The following LRP1B variants were observed in gnomAD, a reference collection of about 807,000 sequenced individuals.
The protein encoded by LRP1B is low-density lipoprotein receptor-related protein 1B.
LRP1B carries 217 observed loss-of-function variants against 556.6 expected under a neutral mutation model. The observed-to-expected ratio is 0.39, with a 90% CI of 0.35 to 0.44. LRP1B has a LOEUF of 0.44. Among genes scored for constraint, LRP1B ranks in the 20% least tolerant of loss-of-function variants. The pLI, the probability that LRP1B is intolerant of heterozygous loss-of-function variation, is 1.00. For synonymous variants in LRP1B, 2,047 were observed against 1,865.8 expected, an observed-to-expected ratio of 1.10 and a Z score of -2.50; for missense variants, 5,053 against 5,620.8, an observed-to-expected ratio of 0.90 and a Z score of 3.23.
intron 17 of LRP1B, among the ~76,000 whole-genome samples, chr2:140,984,978 A>G (rs567235684): frequency 6.6e-6 from 1 of 152,204 alleles, no homozygotes; most frequent in Non-Finnish European, 1.5e-5. Context: ...TCACTTTTTC[A>G]TCTCTTGTCT....
intron 66 of LRP1B, among the ~76,000 whole-genome samples, chr2:140,428,147 A>G (rs1427184876): frequency 6.6e-6 from 1 of 152,000 alleles, no homozygotes; most frequent in Non-Finnish European, 1.5e-5. Flanking sequence ...CTCAATATAC[A>G]TTTTATTACC....
rs112057255 is a variant in LRP1B at position 140,422,395 on chromosome 2, C to T, written c.10414+20109G>A. On this transcript the variant is annotated intron_variant, in intron 66 of 90. Coordinates refer to ENST00000389484, the MANE Select transcript of LRP1B (RefSeq NM_018557.3). Reference sequence around the variant, plus strand: ...ATGTTATAGTACAAAAGCAGGCACACAGCAGTGGAGAACAGTGAGATATTT... The same window carrying T: ...ATGTTATAGTACAAAAGCAGGCACATAGCAGTGGAGAACAGTGAGATATTT... 5.6e-3 allele frequency among the ~76,000 whole-genome samples: 848 copies of T among 152,232 alleles called. 5 individuals are homozygous for T. The highest frequency in any genetic ancestry group is 0.018 in the African/African-American group (745 of 41,536).
At chr2:140,444,476 G>A (rs548003300) in intron 64 of LRP1B, 27 bp from the exon 65 acceptor site, 23 of 1,613,400 alleles carry the variant, frequency 1.4e-5, no homozygotes, top group South Asian at 4.4e-5. Context: ...GAGAGAGAGA[G>A]AAAATTTGTG....
chr2:141,989,811 G>A (rs1266159781), intron 1 of LRP1B, among the ~76,000 whole-genome samples: 4 of 152,062 alleles, frequency 2.6e-5, no homozygotes, highest in East Asian at 1.9e-4. Flanking sequence ...ATGGGGAAGT[G>A]TAAGTCAATT....
At chr2:140,509,867 C>A (rs1456751886) in intron 52 of LRP1B, 61 bp downstream of exon 52, 1 of 1,571,072 alleles carries the variant, frequency 6.4e-7, no homozygotes, top group Non-Finnish European at 8.6e-7. Flanking sequence ...ACTACAAAAA[C>A]AAATAACCAA....
At chr2:141,084,021 T>C (rs1290331844) in intron 7 of LRP1B, among the ~76,000 whole-genome samples, 1 of 152,236 alleles carries the variant, frequency 6.6e-6, no homozygotes, top group Admixed American at 6.5e-5. Context: ...GTGGTTCTAT[T>C]ACCTTATCTG....
intron 2 of LRP1B, among the ~76,000 whole-genome samples, chr2:141,502,955 T>G (rs1364129198): frequency 1.3e-5 from 2 of 150,838 alleles, no homozygotes; most frequent in Non-Finnish European, 3.0e-5. Context: ...TCAAGTTAAG[T>G]TTTAAATCAA....
intron 2 of LRP1B, among the ~76,000 whole-genome samples, chr2:141,501,731 G>A (rs902124145): frequency 4.6e-5 from 7 of 152,122 alleles, no homozygotes; most frequent in Non-Finnish European, 8.8e-5. Flanking sequence ...AGATCTAAAA[G>A]AAACATGCAT....
At chr2:140,321,835 T>C in intron 82 of LRP1B, 128 bp downstream of exon 82, 1 of 866,406 alleles carries the variant, frequency 1.2e-6, no homozygotes, top group Non-Finnish European at 1.8e-6. Flanking sequence ...TACACAGGCA[T>C]TCAAGAACCA....
At chr2:141,717,481 G>A (rs1403311061) in intron 2 of LRP1B, among the ~76,000 whole-genome samples, 1 of 152,188 alleles carries the variant, frequency 6.6e-6, no homozygotes, top group Non-Finnish European at 1.5e-5. Flanking sequence ...GGCAGCATCA[G>A]TTCTTGCCAC....
intron 54 of LRP1B, among the ~76,000 whole-genome samples, chr2:140,502,654 C>A (rs1227156466): frequency 6.6e-6 from 1 of 151,810 alleles, no homozygotes; most frequent in East Asian, 1.9e-4. Context: ...TCAAATAGGC[C>A]AATACAGTGA....
intron 43 of LRP1B, among the ~76,000 whole-genome samples, chr2:140,591,366 CAGTT>C (rs1324537241): frequency 5.3e-5 from 8 of 152,172 alleles, no homozygotes; most frequent in Admixed American, 3.3e-4. Context: ...CTTATGCTGA[CAGTT>C]AGGTACTCTG....
At chr2:141,180,720 AAAAC>A (rs944173174) in intron 7 of LRP1B, among the ~76,000 whole-genome samples, 1 of 152,006 alleles carries the variant, frequency 6.6e-6, no homozygotes, top group African/African-American at 2.4e-5. Context: ...CCCAAAAAAC[AAAAC>A]AAAAACCCTA....
chr2:140,659,314 T>C (rs775153065), intron 41 of LRP1B, among the ~76,000 whole-genome samples: 3 of 151,806 alleles, frequency 2.0e-5, no homozygotes, highest in Non-Finnish European at 2.9e-5. Context: ...TTTAGACATA[T>C]GGAATGATAC....
At chr2:141,550,418 GTAAACAGATTT>G (rs1685708955) in intron 2 of LRP1B, among the ~76,000 whole-genome samples, 1 of 151,960 alleles carries the variant, frequency 6.6e-6, no homozygotes, top group Non-Finnish European at 1.5e-5. Context: ...ATTGCCATTT[GTAAACAGATTT>G]TTAGCTCCTT....
At chr2:140,364,065 G>A (rs1430559893) in intron 72 of LRP1B, among the ~76,000 whole-genome samples, 4 of 151,586 alleles carry the variant, frequency 2.6e-5, no homozygotes, top group Non-Finnish European at 5.9e-5. Flanking sequence ...CCGGACAAAT[G>A]TCAGTCAATT....
chr2:141,246,199 T>C (rs957470789), intron 5 of LRP1B, among the ~76,000 whole-genome samples: 2 of 152,122 alleles, frequency 1.3e-5, no homozygotes, highest in Non-Finnish European at 2.9e-5. Flanking sequence ...TAGAATGGAT[T>C]GGGAAGGTCA....
intron 66 of LRP1B, among the ~76,000 whole-genome samples, chr2:140,414,214 C>T (rs1685083734): frequency 6.6e-6 from 1 of 152,118 alleles, no homozygotes; most frequent in Non-Finnish European, 1.5e-5. Context: ...CCACACAGGG[C>T]CCATCTTTTT....
At chr2:141,952,060 C>T (rs1701122013) in intron 1 of LRP1B, among the ~76,000 whole-genome samples, 1 of 138,286 alleles carries the variant, frequency 7.2e-6, no homozygotes, top group Admixed American at 8.3e-5. Context: ...TCCAAGTGTT[C>T]TCATTGTTCA....
Sources: allele counts gnomAD v4.1 joint callset (sites outside exome capture counted in the v4.1 genomes callset), GRCh38; gene constraint gnomAD v4.1.1; transcripts MANE v1.5; gene names NCBI Gene and HGNC (gene_info 2026-07-23, HGNC 2026-07-21).